NPNT: variants seen among roughly 807,000 people sequenced by gnomAD.
The protein encoded by NPNT is nephronectin.
NPNT carries 45 observed loss-of-function variants against 68.6 expected under a neutral mutation model. The observed-to-expected ratio is 0.66, with a 90% CI of 0.52 to 0.84. NPNT has a LOEUF of 0.84. Ranked by LOEUF, NPNT falls within the 40% of genes least tolerant of loss-of-function variation. The probability of loss-of-function intolerance (pLI) is 0.00; values close to 1 mark genes in which losing one functional copy is unlikely to be tolerated. For missense variants in NPNT, 672 were observed against 714.8 expected (o/e 0.94, Z 0.68); for synonymous variants, 233 against 253.3 (o/e 0.92, Z 0.76).
At chr4:105,949,698 A>G (rs1426383498) in intron 8 of NPNT, among the ~76,000 whole-genome samples, 1 of 152,172 alleles carries the variant, frequency 6.6e-6, no homozygotes, top group Non-Finnish European at 1.5e-5. Context: ...GCAATATATA[A>G]TGAAATCTTA....
chr4:105,895,564 C>T lies in NPNT; in HGVS notation c.-89C>T, dbSNP rs1336661244. On this transcript the variant is annotated 5_prime_UTR_variant, in exon 1 of 12. Coordinates refer to ENST00000379987, the MANE Select transcript of NPNT (RefSeq NM_001033047.3). Reference sequence around the variant, plus strand: ...GGCGAGGGCTGGGGGTTCCTCGAGACTCTCAGAGGGGCGCCTCCCATCGGC... The same window carrying T: ...GGCGAGGGCTGGGGGTTCCTCGAGATTCTCAGAGGGGCGCCTCCCATCGGC... 3 of 1,093,974 alleles carry T rather than the reference C, an allele frequency of 2.7e-6. No homozygotes were observed. Among genetic ancestry groups the T allele is most frequent in the East Asian group, 2.7e-5 (1 of 37,546 alleles). 67.8% of individuals were successfully genotyped at this position (1,093,974 alleles called of 1,614,324 possible). A position where few individuals can be genotyped will look rare whatever the true frequency, so the allele number is the denominator to read the frequency against.
At chr4:105,929,989 A>G (rs1047074697) in intron 3 of NPNT, among the ~76,000 whole-genome samples, 1 of 152,220 alleles carries the variant, frequency 6.6e-6, no homozygotes, top group Non-Finnish European at 1.5e-5. Context: ...CTTAAAGAGA[A>G]GAGGATTTGA....
intron 4 of NPNT, among the ~76,000 whole-genome samples, chr4:105,937,856 ATAAAG>A (rs756974917): frequency 4.6e-5 from 7 of 152,352 alleles, no homozygotes; most frequent in Middle Eastern, 3.4e-3. Context: ...GTTGCATAAA[ATAAAG>A]TTAGCTAATT....
intron 10 of NPNT, among the ~76,000 whole-genome samples, chr4:105,960,709 A>G (rs1460015999): frequency 6.6e-6 from 1 of 152,174 alleles, no homozygotes; most frequent in African/African-American, 2.4e-5. Context: ...GCAGGACAGC[A>G]TTATCATTAA....
chr4:105,897,749 A>G (rs1725983922), intron 1 of NPNT, 152 bp from the exon 2 acceptor site: 1 of 636,704 alleles, frequency 1.6e-6, no homozygotes, highest in African/African-American at 1.8e-5. Context: ...TATTTCTGTG[A>G]AGGTGTTTTA....
At chr4:105,956,153 T>C (rs200346230) in intron 8 of NPNT, among the ~76,000 whole-genome samples, 1 of 48,198 alleles carries the variant, frequency 2.1e-5, no homozygotes, top group Admixed American at 2.8e-4. Flanking sequence ...ATCTTCTAAC[T>C]GTATGATCTA....
At chr4:105,926,280 A>G (rs7696538) in intron 2 of NPNT, among the ~76,000 whole-genome samples, 132,163 of 152,234 alleles carry the variant, frequency 0.87, 57,983 homozygotes, top group East Asian at 1. Flanking sequence ...TTTTTATCTC[A>G]ATTGTAGACT....
intron 8 of NPNT, among the ~76,000 whole-genome samples, chr4:105,951,950 C>CT (rs1376404327): frequency 2.6e-5 from 4 of 152,122 alleles, no homozygotes; most frequent in Non-Finnish European, 2.9e-5. Context: ...GTTTTCTTAT[C>CT]TGTAAGTCAG....
intron 4 of NPNT, among the ~76,000 whole-genome samples, chr4:105,937,765 G>A (rs1729609931): frequency 6.6e-6 from 1 of 152,176 alleles, no homozygotes; most frequent in African/African-American, 2.4e-5. Flanking sequence ...TCTATAGGCT[G>A]ACTCCTGAAT....
intron 8 of NPNT, among the ~76,000 whole-genome samples, chr4:105,949,983 C>T (rs1578665679): frequency 6.6e-6 from 1 of 152,178 alleles, no homozygotes; most frequent in Admixed American, 6.6e-5. Context: ...TTCAACTGTA[C>T]TATCGTTGAT....
intron 2 of NPNT, among the ~76,000 whole-genome samples, chr4:105,918,788 C>T (rs1042134251): frequency 6.6e-6 from 1 of 152,114 alleles, no homozygotes; most frequent in East Asian, 1.9e-4. Context: ...TACTTATAAT[C>T]CTCATCATAA....
At chr4:105,912,169 T>C (rs1326675622) in intron 2 of NPNT, 10 of 1,526,522 alleles carry the variant, frequency 6.6e-6, no homozygotes, top group Non-Finnish European at 7.9e-6. Flanking sequence ...ATTTCTTTTT[T>C]TGGACATTTG....
chr4:105,951,281 T>C (rs1357406524), intron 8 of NPNT, among the ~76,000 whole-genome samples: 1 of 152,182 alleles, frequency 6.6e-6, no homozygotes, highest in East Asian at 1.9e-4. Flanking sequence ...CTCTTATGAG[T>C]GGCCATATCA....
At chr4:105,902,543 A>G (rs1360654295) in intron 2 of NPNT, among the ~76,000 whole-genome samples, 1 of 152,194 alleles carries the variant, frequency 6.6e-6, no homozygotes, top group East Asian at 1.9e-4. Context: ...GTGAGAATGC[A>G]GAATCTGTTT....
intron 8 of NPNT, among the ~76,000 whole-genome samples, chr4:105,951,934 G>A (rs1376028687): frequency 6.6e-6 from 1 of 152,034 alleles, no homozygotes; most frequent in Non-Finnish European, 1.5e-5. Context: ...ATTTTCCTGT[G>A]CCTTTGTTTT....
chr4:105,964,473 A>G (rs992668896), intron 10 of NPNT, among the ~76,000 whole-genome samples: 7 of 152,344 alleles, frequency 4.6e-5, no homozygotes, highest in African/African-American at 1.7e-4. Context: ...ATTTTATTAA[A>G]TTGCCCTTTA....
At chr4:105,950,515 C>T (rs911637935) in intron 8 of NPNT, among the ~76,000 whole-genome samples, 1 of 151,996 alleles carries the variant, frequency 6.6e-6, no homozygotes, top group African/African-American at 2.4e-5. Flanking sequence ...TGCAGTGGCA[C>T]AATCTTGGCT....
At chr4:105,960,078 G>C (rs1265904617) in intron 10 of NPNT, among the ~76,000 whole-genome samples, 5 of 152,118 alleles carry the variant, frequency 3.3e-5, no homozygotes, top group Non-Finnish European at 7.4e-5. Flanking sequence ...CCAAAGTGCT[G>C]GGATTACAGG....
intron 8 of NPNT, among the ~76,000 whole-genome samples, chr4:105,950,648 A>G (rs1455258178): frequency 6.6e-6 from 1 of 152,004 alleles, no homozygotes; most frequent in Non-Finnish European, 1.5e-5. Context: ...ACATCTGAGT[A>G]GGCACACTTA....
Sources: gnomAD v4.1 joint callset for allele counts (sites outside exome capture counted in the v4.1 genomes callset) on GRCh38, gnomAD v4.1.1 for gene constraint, MANE v1.5 for transcripts, NCBI Gene and HGNC (gene_info 2026-07-23, HGNC 2026-07-21) for gene names.